FAT2: variants seen among roughly 807,000 people sequenced by gnomAD.
FAT2 encodes the protein protocadherin Fat 2.
Under a neutral mutation model 295.3 loss-of-function variants are expected in FAT2, and 150 were observed. That is an observed-to-expected ratio of 0.51 (90% CI 0.44 to 0.58). The LOEUF is 0.58. Ranked by LOEUF, FAT2 falls within the 20% of genes least tolerant of loss-of-function variation. FAT2 has a pLI of 0.00. For missense variants in FAT2, 4,868 were observed against 5,442.7 expected (o/e 0.89, Z 3.32); for synonymous variants, 2,026 against 2,150.3 (o/e 0.94, Z 1.60).
chr5:151,565,944 A>C lies in FAT2; in HGVS notation c.2988T>G (p.Asn996Lys), dbSNP rs1390924688. ...CACCATCACTGGCCCACAGGCTCAG[A>C]TTGTACCCAGCTCGCCTCTCAAAGT... ...ELDFERRAGY[N>K]LSLWASDGGR... Residue 996 changes from asparagine to lysine, a missense_variant, in exon 2 of 24, where the codon AAT becomes AAG. Around this residue, in one of 5 missense-constraint regions of FAT2, gnomAD observed 3,297 missense variants for 3,669.4 expected, o/e 0.90. Coordinates refer to ENST00000261800, the MANE Select transcript of FAT2 (RefSeq NM_001447.3). The C allele has an allele frequency of 1.2e-6, 2 of 1,613,930 alleles. No homozygotes were observed. Among genetic ancestry groups the C allele is most frequent in the Admixed American group, 1.7e-5 (1 of 60,014 alleles).
At chr5:151,533,514 C>T (rs1581355641) in intron 13 of FAT2, among the ~76,000 whole-genome samples, 2 of 151,962 alleles carry the variant, frequency 1.3e-5, no homozygotes, top group South Asian at 2.1e-4. Context: ...TCGAATATCT[C>T]ACCTCCTTCA....
chr5:151,553,882 A>G (rs1486224120), intron 5 of FAT2, among the ~76,000 whole-genome samples: 8 of 152,326 alleles, frequency 5.3e-5, no homozygotes, highest in African/African-American at 1.7e-4. Flanking sequence ...TGGTCGATTC[A>G]CCTGCCAGAT....
chr5:151,534,342 G>T, intron 13 of FAT2, 67 bp downstream of exon 13: 1 of 1,316,438 alleles, frequency 7.6e-7, no homozygotes, highest in Non-Finnish European at 1.1e-6. Flanking sequence ...ACACAAAGGG[G>T]ACCAAACCCT....
rs1219222124 is a variant in FAT2, at chr5:151,543,566, T to C, written c.7561A>G (p.Ile2521Val). 6.2e-7 allele frequency: 1 copy of C among 1,614,080 alleles called. No homozygotes were observed. Residue 2521 changes from isoleucine (I) to valine (V), a missense_variant, in exon 10 of 24, where the codon ATC (isoleucine) becomes GTC (valine). By Grantham distance (29) the Ile-to-Val change is conservative. Transcript: ENST00000261800. ...AACTTCTCACTTGCTAGTTTATTGA[T>C]GATAGTATAATCTATAGTGCCATAG... ...GPYGTIDYTIINKLASEKFSI... is the reference protein window; with the variant it reads ...GPYGTIDYTIVNKLASEKFSI...
At position 151,505,980 on chromosome 5, in the gene FAT2, G is replaced by A. The variant is rs748571786; in HGVS notation, c.12635C>T (p.Thr4212Ile). ...ATTAGGCTCTGGCATCACGACTGGG[G>A]TTGAGTGGCGGTGAGCCGAGGGCGG... ...PLPPSAHRHSTPVVMPEPNGL... is the reference protein window; with the variant it reads ...PLPPSAHRHSIPVVMPEPNGL... Residue 4212 changes from threonine (T) to isoleucine (I), a missense_variant, in exon 24 of 24, where the codon ACC becomes ATC. Physicochemically the swap from Thr to Ile is moderately conservative, Grantham distance 89. Transcript: ENST00000261800. 6.4e-7 allele frequency: 1 copy of A among 1,573,798 alleles called. No individual in the cohort carries two copies. Among genetic ancestry groups the A allele is most frequent in the Non-Finnish European group, 8.6e-7 (1 of 1,164,320 alleles).
chr5:151,512,450 T>A lies in FAT2; in HGVS notation c.11620A>T (p.Thr3874Ser), dbSNP rs757802714. The A allele has an allele frequency of 6.2e-7, 1 of 1,614,020 alleles. No individual in the cohort carries two copies. The highest frequency in any genetic ancestry group is 2.2e-5 in the East Asian group (1 of 44,884). The change falls in exon 21 of 24, where the codon ACC (threonine) becomes TCC (serine). Residue 3874 changes from threonine to serine, a missense_variant. By Grantham distance (58) the Thr-to-Ser change is moderately conservative. Coordinates refer to ENST00000261800, the MANE Select transcript of FAT2 (RefSeq NM_001447.3). This position sits in a 1 kb window ranked among gnomAD's most constrained non-coding sequence, Gnocchi z 4.1. ...CAGTTCTCTGGGACCACAAGGGAGG[T>A]GTTGCCCATGCTGTCAACCATCAGG... ...IRLMVDSMGNTSLVVPENCRG... is the reference protein window; with the variant it reads ...IRLMVDSMGNSSLVVPENCRG...
chr5:151,530,588 T>C (rs1196774636), intron 14 of FAT2, among the ~76,000 whole-genome samples: 1 of 152,232 alleles, frequency 6.6e-6, no homozygotes, highest in Non-Finnish European at 1.5e-5. Flanking sequence ...AGTATGTAGA[T>C]GTTTTGGGGA....
intron 16 of FAT2, among the ~76,000 whole-genome samples, 154 bp downstream of exon 16, chr5:151,527,841 CA>C (rs1166422840): frequency 6.6e-6 from 1 of 152,164 alleles, no homozygotes; most frequent in Non-Finnish European, 1.5e-5. Context: ...TCACAGTCCA[CA>C]GAGGCCCCAC....
At position 151,544,430 on chromosome 5, in the gene FAT2, A is replaced by T. The variant is rs549747832; in HGVS notation, c.6697T>A (p.Tyr2233Asn). 2.5e-6 allele frequency: 4 copies of T among 1,614,178 alleles called. No individual in the cohort carries two copies. The East Asian group carries it at 8.9e-5, about 36-fold the overall frequency. The stretch of plus-strand genomic sequence containing the variant: ...AACACATGTTTGGTCTTGGACTCAT[A>T]GTCCAAAGGCCCTGTTACTGTTAGG... ...GVLTVTGPLD[Y>N]ESKTKHVFTV... Residue 2233 changes from tyrosine to asparagine, a missense_variant, in exon 10 of 24, where the codon TAT becomes AAT. Tyr to Asn is a moderately radical substitution (Grantham distance 143, BLOSUM62 -2). Coordinates refer to ENST00000261800, the MANE Select transcript of FAT2 (RefSeq NM_001447.3).
chr5:151,533,734 TACAC>T (rs1298891615), intron 13 of FAT2, among the ~76,000 whole-genome samples: 1 of 151,808 alleles, frequency 6.6e-6, no homozygotes, highest in South Asian at 2.1e-4. Flanking sequence ...TATATATACA[TACAC>T]ACATACATAT....
intron 12 of FAT2, among the ~76,000 whole-genome samples, chr5:151,534,856 T>G (rs1039523776): frequency 6.6e-6 from 1 of 151,610 alleles, no homozygotes; most frequent in African/African-American, 2.4e-5. Flanking sequence ...CATTGCCAGT[T>G]TAAGATCATC....
chr5:151,515,962 T>C (rs1752822740), intron 20 of FAT2, among the ~76,000 whole-genome samples: 2 of 152,196 alleles, frequency 1.3e-5, no homozygotes, highest in Non-Finnish European at 2.9e-5. Flanking sequence ...ATATGCCCCA[T>C]CCCATTACGT....
At chr5:151,556,017 A>G (rs1757663368) in intron 4 of FAT2, among the ~76,000 whole-genome samples, 1 of 152,220 alleles carries the variant, frequency 6.6e-6, no homozygotes, top group Non-Finnish European at 1.5e-5. Flanking sequence ...TTGACCGAGA[A>G]TGATTCTGTC....
Position 151,566,248 on chromosome 5 carries a change from G to A in FAT2, c.2684C>T (p.Ala895Val), listed in dbSNP as rs2127645605. The change falls in exon 2 of 24, where the codon GCC becomes GTC. Residue 895 changes from alanine (A) to valine (V), a missense_variant. Physicochemically the swap from Ala to Val is moderately conservative, Grantham distance 64. Coordinates refer to ENST00000261800, the MANE Select transcript of FAT2 (RefSeq NM_001447.3). ...SEPRYILKVEARDQPSKGHQL... is the reference protein window; with the variant it reads ...SEPRYILKVEVRDQPSKGHQL... ...GTGGCCTTTGCTGGGCTGATCCCTG[G>A]CCTCCACCTTGAGTATGTACCGAGG... The A allele has an allele frequency of 6.2e-7, 1 of 1,614,130 alleles. No homozygotes were observed. Among genetic ancestry groups the A allele is most frequent in the Non-Finnish European group, 8.5e-7 (1 of 1,180,026 alleles).
chr5:151,552,939 A>T (rs1488516707), intron 6 of FAT2, among the ~76,000 whole-genome samples: 1 of 152,198 alleles, frequency 6.6e-6, no homozygotes, highest in Non-Finnish European at 1.5e-5. Context: ...GGCACTGCCA[A>T]CTCTGGCTGG....
intron 1 of FAT2, among the ~76,000 whole-genome samples, chr5:151,589,852 C>G (rs2127666250): frequency 6.6e-6 from 1 of 152,170 alleles, no homozygotes; most frequent in South Asian, 2.1e-4. Flanking sequence ...ATGATAATGC[C>G]ACTGCATTCC....
At chr5:151,528,344 T>TGA (rs970757676) in intron 15 of FAT2, among the ~76,000 whole-genome samples, 9 of 152,304 alleles carry the variant, frequency 5.9e-5, no homozygotes, top group South Asian at 2.1e-4. Context: ...CATTCACTCT[T>TGA]GCTAACAGCA....
In FAT2 at chr5:151,512,833, ACATCTCCATT is replaced by A; in HGVS notation, c.11464-237_11464-228del. ...CATGGGATGGTCTGGGTAGGGGGTG[ACATCTCCATT>A]CACAGATGAGGAAACTGAGGCCGAG... On this transcript the variant is annotated intron_variant, in intron 20 of 23. Transcript: ENST00000261800. This position sits in a 1 kb window ranked among gnomAD's most constrained non-coding sequence, Gnocchi z 4.1. 1.8e-6 allele frequency: 1 copy of A among 561,548 alleles called. No homozygotes were observed. The highest frequency in any genetic ancestry group is 3.2e-6 in the Non-Finnish European group (1 of 314,888). 34.8% of individuals were successfully genotyped at this position (561,548 alleles called of 1,614,324 possible).
intron 1 of FAT2, among the ~76,000 whole-genome samples, chr5:151,573,263 G>C (rs1227904651): frequency 6.6e-6 from 1 of 152,202 alleles, no homozygotes; most frequent in Non-Finnish European, 1.5e-5. Flanking sequence ...GCACATAAGT[G>C]CCGAGCACAA....
Sources: gnomAD v4.1 joint callset for allele counts (sites outside exome capture counted in the v4.1 genomes callset) on GRCh38, gnomAD v4.1.1 for gene constraint, gnomAD v4.1.1 regional missense constraint, Gnocchi (gnomAD v3.1) non-coding constraint, MANE v1.5 for transcripts, NCBI Gene and HGNC (gene_info 2026-07-23, HGNC 2026-07-21) for gene names.